Variants in SLC24A2 observed in about 807,000 individuals in gnomAD.
SLC24A2 encodes solute carrier family 24 member 2.
In SLC24A2, 36 loss-of-function variants were observed where a neutral mutation model predicts 62.0. The observed-to-expected ratio is 0.58, with a 90% CI of 0.44 to 0.77. The LOEUF (loss-of-function observed/expected upper bound fraction) is 0.77, where lower values mean the gene tolerates loss of function less well. Ranked by LOEUF, SLC24A2 falls within the 30% of genes least tolerant of loss-of-function variation. The pLI, the probability that SLC24A2 is intolerant of heterozygous loss-of-function variation, is 0.00. For missense variants in SLC24A2, 846 were observed against 817.9 expected (o/e 1.03, Z -0.42); for synonymous variants, 358 against 294.0 (o/e 1.22, Z -2.23).
At chr9:20,197,476 G>C in the SLC24A2 span, among the ~76,000 whole-genome samples, 1 of 127,194 alleles carries the variant, frequency 7.9e-6, no homozygotes, top group African/African-American at 3.2e-5. Flanking sequence ...CTGTTACCCA[G>C]GCTAGAATGC....
At chr9:20,224,693 A>G in the SLC24A2 span, among the ~76,000 whole-genome samples, 1 of 151,248 alleles carries the variant, frequency 6.6e-6, no homozygotes, top group Non-Finnish European at 1.5e-5. Flanking sequence ...GCAGAGAAGA[A>G]GAGGGAGGGA....
the SLC24A2 span, among the ~76,000 whole-genome samples, chr9:20,031,906 T>A: frequency 6.6e-6 from 1 of 152,192 alleles, no homozygotes. Flanking sequence ...TGTGCACCAA[T>A]TCTAATTGTG....
At chr9:20,107,426 G>A in the SLC24A2 span, among the ~76,000 whole-genome samples, 1 of 152,076 alleles carries the variant, frequency 6.6e-6, no homozygotes, top group Non-Finnish European at 1.5e-5. Context: ...GAGGCATCAT[G>A]CTACCTGACT....
the SLC24A2 span, among the ~76,000 whole-genome samples, chr9:20,270,024 G>C: frequency 6.6e-6 from 1 of 152,200 alleles, no homozygotes; most frequent in Non-Finnish European, 1.5e-5. Context: ...ATTTCAAAGG[G>C]GAAGCAGACG....
chr9:20,218,831 T>C, the SLC24A2 span, among the ~76,000 whole-genome samples: 1 of 152,126 alleles, frequency 6.6e-6, no homozygotes, highest in Admixed American at 6.5e-5. Flanking sequence ...AGGCCAAGCT[T>C]AGCTGGATTC....
chr9:19,995,795 CTCAA>C, the SLC24A2 span, among the ~76,000 whole-genome samples: 1 of 152,234 alleles, frequency 6.6e-6, no homozygotes, highest in Admixed American at 6.5e-5. Flanking sequence ...GCATCTAGCC[CTCAA>C]TCACTCACCA....
the SLC24A2 span, among the ~76,000 whole-genome samples, chr9:19,820,028 C>CATATATGTGTAT: frequency 2.2e-4 from 12 of 54,584 alleles, no homozygotes; most frequent in African/African-American, 6.5e-4. Flanking sequence ...TATATATACA[C>CATATATGTGTAT]ATATATATAT....
chr9:19,678,053 C>T (rs1336514108), intron 2 of SLC24A2, among the ~76,000 whole-genome samples: 2 of 152,138 alleles, frequency 1.3e-5, no homozygotes, highest in Non-Finnish European at 2.9e-5. Flanking sequence ...CTTCGCAGAT[C>T]TAGCTTAAGC....
chr9:19,947,790 C>CAA, the SLC24A2 span, among the ~76,000 whole-genome samples: 5 of 84,984 alleles, frequency 5.9e-5, no homozygotes, highest in Non-Finnish European at 1.1e-4. Context: ...GACTCTGTCT[C>CAA]AAAAAAAAAA....
chr9:20,248,384 A>AAGCTTATGGCATATTCTGTG, the SLC24A2 span, among the ~76,000 whole-genome samples: 1 of 152,236 alleles, frequency 6.6e-6, no homozygotes, highest in Non-Finnish European at 1.5e-5. Context: ...TGAGTTGCTT[A>AAGCTTATGGCATATTCTGTG]AGCAACAGAA....
the SLC24A2 span, among the ~76,000 whole-genome samples, chr9:20,045,752 C>A: frequency 6.6e-6 from 1 of 152,074 alleles, no homozygotes; most frequent in Non-Finnish European, 1.5e-5. Flanking sequence ...ATACTATGTG[C>A]CACACACTGT....
the SLC24A2 span, among the ~76,000 whole-genome samples, chr9:19,933,130 G>A: frequency 6.6e-6 from 1 of 152,168 alleles, no homozygotes; most frequent in Non-Finnish European, 1.5e-5. Flanking sequence ...GCAGAACCAT[G>A]GGCCAAAAAA....
At chr9:20,247,067 A>C in the SLC24A2 span, among the ~76,000 whole-genome samples, 1 of 152,242 alleles carries the variant, frequency 6.6e-6, no homozygotes, top group Admixed American at 6.5e-5. Flanking sequence ...TTGAGCTTAG[A>C]TAGCACCTTC....
At chr9:19,655,228 T>C (rs60000602) in intron 2 of SLC24A2, among the ~76,000 whole-genome samples, 6,269 of 152,288 alleles carry the variant, frequency 0.041, 157 homozygotes, top group Middle Eastern at 0.13. Context: ...GTTTTGGTAG[T>C]ATGTGAGAAG....
chr9:20,247,372 G>A, the SLC24A2 span, among the ~76,000 whole-genome samples: 6 of 152,224 alleles, frequency 3.9e-5, no homozygotes, highest in South Asian at 1.2e-3. Context: ...GAATGTGCAT[G>A]TCCTCTCAAA....
intron 2 of SLC24A2, among the ~76,000 whole-genome samples, chr9:19,754,871 G>A (rs1822092746): frequency 6.6e-6 from 1 of 152,040 alleles, no homozygotes; most frequent in South Asian, 2.1e-4. Flanking sequence ...AGTGAGGTCC[G>A]AGACATAGCA....
intron 10 of SLC24A2, among the ~76,000 whole-genome samples, chr9:19,519,972 A>T (rs1833109784): frequency 1.3e-5 from 2 of 152,220 alleles, no homozygotes; most frequent in African/African-American, 4.8e-5. Context: ...CAGTATTTTT[A>T]TCTGAATAAT....
chr9:20,021,585 A>G, the SLC24A2 span, among the ~76,000 whole-genome samples: 2 of 151,948 alleles, frequency 1.3e-5, no homozygotes, highest in Non-Finnish European at 2.9e-5. Context: ...TTCAAGCAGA[A>G]TCATCATGGC....
At chr9:19,955,118 G>C in the SLC24A2 span, among the ~76,000 whole-genome samples, 1 of 151,958 alleles carries the variant, frequency 6.6e-6, no homozygotes, top group African/African-American at 2.4e-5. Context: ...TCTGAAATTA[G>C]GATGTGTCCC....
Sources: gnomAD v4.1 joint callset for allele counts (sites outside exome capture counted in the v4.1 genomes callset) on GRCh38, gnomAD v4.1.1 for gene constraint, MANE v1.5 for transcripts, NCBI Gene and HGNC (gene_info 2026-07-23, HGNC 2026-07-21) for gene names.